LDLRAD2: variants seen among roughly 807,000 people sequenced by gnomAD.
LDLRAD2 encodes low density lipoprotein receptor class A domain containing 2.
Under a neutral mutation model 24.9 loss-of-function variants are expected in LDLRAD2, and 25 were observed. The observed-to-expected ratio is 1.00, with a 90% confidence interval of 0.73 to 1.40. The LOEUF is 1.40. Among genes scored for constraint, LDLRAD2 ranks in the 40% most tolerant of loss-of-function variants. The probability of loss-of-function intolerance (pLI) is 0.00; values close to 1 mark genes in which losing one functional copy is unlikely to be tolerated. For synonymous variants in LDLRAD2, 182 were observed against 166.7 expected, an observed-to-expected ratio of 1.09 and a Z score of -0.71; for missense variants, 391 against 366.2, an observed-to-expected ratio of 1.07 and a Z score of -0.55.
At position 21,814,396 on chromosome 1, in the gene LDLRAD2, A is replaced by C; in HGVS notation, c.86-2A>C. ...CTCCAGTTTCCGTGCCTTCCGCTGC[A>C]GCCGACCTGGCGGAACTGTGCGGGC... On this transcript the variant is annotated splice_acceptor_variant, in intron 1 of 4. Coordinates refer to ENST00000344642, the MANE Select transcript of LDLRAD2 (RefSeq NM_001013693.3). LOFTEE classifies it high-confidence loss of function. The C allele has an allele frequency of 6.3e-7, 1 of 1,586,810 alleles. No homozygotes were observed. The highest frequency in any genetic ancestry group is 8.6e-7 in the Non-Finnish European group (1 of 1,166,532).
rs372157319 is a variant in LDLRAD2 at position 21,817,428 on chromosome 1, T to C, written c.643+1354T>C. Among the ~76,000 whole-genome samples, 747 of 152,298 alleles carry C rather than the reference T, an allele frequency of 4.9e-3. 9 individuals carry two copies. The highest frequency in any genetic ancestry group is 0.017 in the African/African-American group (719 of 41,544). On this transcript the variant is annotated intron_variant, in intron 3 of 4. Transcript: ENST00000344642. Reference sequence around the variant, plus strand: ...CGCCATCTCGGCTCACTGCAACCTCTGCTTCCTGGGCTCAGGTGATCCTCC... The same window carrying C: ...CGCCATCTCGGCTCACTGCAACCTCCGCTTCCTGGGCTCAGGTGATCCTCC...
intron 3 of LDLRAD2, 91 bp from the exon 4 acceptor site, chr1:21,821,359 C>A: frequency 6.6e-7 from 1 of 1,522,358 alleles, no homozygotes; most frequent in Non-Finnish European, 9.0e-7. Context: ...GAGTGACAAA[C>A]TCAGGGAAGT....
chr1:21,824,009 C>A lies in LDLRAD2; in HGVS notation c.*1794C>A. 9.0e-7 allele frequency: 1 copy of A among 1,112,150 alleles called. No individual in the cohort carries two copies. Among genetic ancestry groups the A allele is most frequent in the South Asian group, 1.3e-5 (1 of 75,404 alleles). The allele number at this position is 1,112,150 out of a possible 1,614,324, so 68.9% of individuals were successfully genotyped here. A position where few individuals can be genotyped will look rare whatever the true frequency, so the allele number is the denominator to read the frequency against. ...GGTGGGTTCTCCCCTCCCCTGGCTT[C>A]AAGTTCTGTCTCCACAGAGCTCAAT... On this transcript the variant is annotated 3_prime_UTR_variant, in exon 5 of 5. Coordinates refer to ENST00000344642, the MANE Select transcript of LDLRAD2 (RefSeq NM_001013693.3). The surrounding 1 kb of genome is among the most constrained non-coding windows in gnomAD (Gnocchi z 5.9).
Position 21,823,299 on chromosome 1 carries a change from G to T in LDLRAD2, c.*1084G>T, listed in dbSNP as rs1336826287. 2 of 1,511,100 alleles carry T rather than the reference G, an allele frequency of 1.3e-6. No homozygotes were observed. Among genetic ancestry groups the T allele is most frequent in the East Asian group, 2.5e-5 (1 of 40,558 alleles). The allele number at this position is 1,511,100 out of a possible 1,614,324, so 93.6% of individuals were successfully genotyped here. ...GCTGGGGCGTGGCCCGGGAGTCCGT[G>T]TGGGGCAGGCAGGTGCCTACGAGGG... On this transcript the variant is annotated 3_prime_UTR_variant, in exon 5 of 5. Coordinates refer to ENST00000344642, the MANE Select transcript of LDLRAD2 (RefSeq NM_001013693.3).
intron 3 of LDLRAD2, among the ~76,000 whole-genome samples, chr1:21,820,111 G>A (rs1199548143): frequency 6.6e-6 from 1 of 152,128 alleles, no homozygotes; most frequent in Non-Finnish European, 1.5e-5. Context: ...TCCAACACTG[G>A]GAATTACAAT....
Position 21,814,393 on chromosome 1 carries a change from T to C in LDLRAD2, c.86-5T>C. 6.3e-7 allele frequency: 1 copy of C among 1,584,238 alleles called. No homozygotes were observed. Among genetic ancestry groups the C allele is most frequent in the Non-Finnish European group, 8.6e-7 (1 of 1,165,546 alleles). ...CGGCTCCAGTTTCCGTGCCTTCCGCTGCAGCCGACCTGGCGGAACTGTGCG... is the reference window on the plus strand; with the variant it reads ...CGGCTCCAGTTTCCGTGCCTTCCGCCGCAGCCGACCTGGCGGAACTGTGCG... On this transcript the variant is annotated splice_polypyrimidine_tract_variant and splice_region_variant and intron_variant, in intron 1 of 4. Coordinates refer to ENST00000344642, the MANE Select transcript of LDLRAD2 (RefSeq NM_001013693.3).
In LDLRAD2 at chr1:21,824,438, AG is replaced by A; in HGVS notation, c.*2228del. On this transcript the variant is annotated 3_prime_UTR_variant, in exon 5 of 5. Transcript: ENST00000344642. The surrounding 1 kb of genome is among the most constrained non-coding windows in gnomAD (Gnocchi z 5.9). Reference sequence around the variant, plus strand: ...CTGGAGAGCAGAGGCTGCCGAGGCCAGGGGGCTCTGCTTTCCCCTCCCCCCA... The same window carrying A: ...CTGGAGAGCAGAGGCTGCCGAGGCCAGGGGCTCTGCTTTCCCCTCCCCCCA... 2 of 1,600,660 alleles carry A rather than the reference AG, an allele frequency of 1.2e-6. No individual in the cohort carries two copies. The highest frequency in any genetic ancestry group is 1.7e-6 in the Non-Finnish European group (2 of 1,169,436).
chr1:21,814,938 G>A (rs376603802), intron 2 of LDLRAD2, 115 bp downstream of exon 2: 6 of 1,028,964 alleles, frequency 5.8e-6, no homozygotes, highest in Admixed American at 3.8e-5. Context: ...AGGGGTGCCC[G>A]AAGCACAAGA....
chr1:21,817,879 A>G (rs1260797264), intron 3 of LDLRAD2, among the ~76,000 whole-genome samples: 2 of 151,562 alleles, frequency 1.3e-5, no homozygotes, highest in Non-Finnish European at 2.9e-5. Context: ...TATTTATTTT[A>G]TTACTTTTTT....
intron 1 of LDLRAD2, 88 bp downstream of exon 1, chr1:21,812,624 C>T: frequency 8.9e-7 from 1 of 1,126,376 alleles, no homozygotes; most frequent in East Asian, 2.5e-5. Context: ...CAGCACTCAT[C>T]CTGCTGGGCT....
chr1:21,814,436 G>A lies in LDLRAD2; in HGVS notation c.124G>A (p.Asp42Asn). ...AELCGQTWQG[D>N]GLLLRSHAAS... ...ACTGTGCGGGCAGACGTGGCAGGGG[G>A]ACGGGCTGCTGCTGCGCTCGCACGC... Residue 42 changes from aspartate (D) to asparagine (N), a missense_variant, in exon 2 of 5, where the codon GAC (aspartate) becomes AAC (asparagine). Coordinates refer to ENST00000344642, the MANE Select transcript of LDLRAD2 (RefSeq NM_001013693.3). The A allele has an allele frequency of 6.2e-7, 1 of 1,609,232 alleles. No individual in the cohort carries two copies. The highest frequency in any genetic ancestry group is 8.5e-7 in the Non-Finnish European group (1 of 1,177,934).
At chr1:21,815,901 T>G in intron 2 of LDLRAD2, 42 bp from the exon 3 acceptor site, 1 of 1,610,054 alleles carries the variant, frequency 6.2e-7, no homozygotes, top group Non-Finnish European at 8.5e-7. Flanking sequence ...TGTCGTGGGC[T>G]GGACCGGAAT....
intron 3 of LDLRAD2, among the ~76,000 whole-genome samples, chr1:21,820,875 C>T (rs2097950572): frequency 6.6e-6 from 1 of 152,202 alleles, no homozygotes; most frequent in Admixed American, 6.5e-5. Flanking sequence ...GGTAACGGGC[C>T]CAGCACAGAG....
At position 21,824,717 on chromosome 1, in the gene LDLRAD2, C is replaced by A; in HGVS notation, c.*2502C>A. The A allele has an allele frequency of 6.2e-7, 1 of 1,613,738 alleles. No individual in the cohort carries two copies. Among genetic ancestry groups the A allele is most frequent in the Non-Finnish European group, 8.5e-7 (1 of 1,179,878 alleles). ...TGCCAGTCTCACCTCCTGGAGAAGA[C>A]ATGGCCAGGGAAGGCGAGGAAGCCA... On this transcript the variant is annotated 3_prime_UTR_variant, in exon 5 of 5. Transcript: ENST00000344642. This position sits in a 1 kb window ranked among gnomAD's most constrained non-coding sequence, Gnocchi z 5.9.
rs1043468676 is a variant in LDLRAD2, at chr1:21,823,379, T to C, written c.*1164T>C. ...CGCGGTGCTGCAGGTCCAGGGGCTG[T>C]GGGGGCGGGGCGCCGGGTCGGGCCG... On this transcript the variant is annotated 3_prime_UTR_variant, in exon 5 of 5. Coordinates refer to ENST00000344642, the MANE Select transcript of LDLRAD2 (RefSeq NM_001013693.3). 3.2e-6 allele frequency: 5 copies of C among 1,553,352 alleles called. No homozygotes were observed. Among genetic ancestry groups the C allele is most frequent in the Non-Finnish European group, 4.3e-6 (5 of 1,153,864 alleles).
intron 3 of LDLRAD2, among the ~76,000 whole-genome samples, chr1:21,818,540 A>G (rs2097946700): frequency 6.6e-6 from 1 of 152,122 alleles, no homozygotes; most frequent in Non-Finnish European, 1.5e-5. Flanking sequence ...CACACCAAAC[A>G]TGACTTTGGT....
At chr1:21,821,656 C>T in intron 4 of LDLRAD2, 45 bp downstream of exon 4, 1 of 1,604,104 alleles carries the variant, frequency 6.2e-7, no homozygotes, top group Non-Finnish European at 8.5e-7. Context: ...ATACCTGTCC[C>T]TCTCTAGGTG....
At chr1:21,818,264 G>A (rs540445675) in intron 3 of LDLRAD2, among the ~76,000 whole-genome samples, 6 of 151,904 alleles carry the variant, frequency 3.9e-5, no homozygotes, top group Non-Finnish European at 5.9e-5. Context: ...CACCCGCCTT[G>A]GCCTCCCAAA....
At chr1:21,820,288 C>A (rs2097949013) in intron 3 of LDLRAD2, among the ~76,000 whole-genome samples, 1 of 151,836 alleles carries the variant, frequency 6.6e-6, no homozygotes, top group South Asian at 2.1e-4. Flanking sequence ...GTAATCCCAG[C>A]ACTTTGGGAG....
Sources: gnomAD v4.1 joint callset for allele counts (sites outside exome capture counted in the v4.1 genomes callset) on GRCh38, gnomAD v4.1.1 for gene constraint, Gnocchi (gnomAD v3.1) non-coding constraint, MANE v1.5 for transcripts, NCBI Gene and HGNC (gene_info 2026-07-23, HGNC 2026-07-21) for gene names.